Variants in KCNQ5 observed in about 807,000 individuals in gnomAD.
The protein encoded by KCNQ5 is potassium voltage-gated channel subfamily Q member 5.
A neutral mutation model predicts 98.2 loss-of-function variants in KCNQ5; 30 were observed. That is an observed-to-expected ratio of 0.31 (90% CI 0.23 to 0.41). KCNQ5 has a LOEUF of 0.41. Among genes scored for constraint, KCNQ5 ranks in the 10% least tolerant of loss-of-function variants. The pLI is 1.00. For missense variants in KCNQ5, 835 were observed against 1,182.5 expected (o/e 0.71, Z 4.31); for synonymous variants, 458 against 449.4 (o/e 1.02, Z -0.24).
intron 3 of KCNQ5, among the ~76,000 whole-genome samples, chr6:73,053,509 G>A (rs866363332): frequency 2.0e-4 from 30 of 151,724 alleles, no homozygotes; most frequent in African/African-American, 7.0e-4. Context: ...ACAATCCTTA[G>A]CAAATAAAAA....
In KCNQ5 at chr6:72,650,301, A is replaced by G. The variant is rs535154302; in HGVS notation, c.398+27714A>G. ...ACATGCATTTTGAAGTAACCAATATAAATAGGTACATTCTGGTTATATCAC... is the reference window on the plus strand; with the variant it reads ...ACATGCATTTTGAAGTAACCAATATGAATAGGTACATTCTGGTTATATCAC... On this transcript the variant is annotated intron_variant, in intron 1 of 13. Transcript: ENST00000370398. Among the ~76,000 whole-genome samples the G allele has an allele frequency of 2.6e-5, 4 of 152,278 alleles. No homozygotes were observed. In the East Asian group the frequency reaches 7.7e-4, roughly 29 times the overall value.
chr6:73,055,360 C>A, intron 3 of KCNQ5: 1 of 1,455,962 alleles, frequency 6.9e-7, no homozygotes, highest in Non-Finnish European at 9.6e-7. Context: ...ATGAGCAGCA[C>A]TATGGGGCTC....
chr6:72,744,076 G>T (rs1771257000), intron 1 of KCNQ5, among the ~76,000 whole-genome samples: 2 of 151,576 alleles, frequency 1.3e-5, no homozygotes, highest in Non-Finnish European at 1.5e-5. Context: ...GGTAAATCAT[G>T]CACTGGCACT....
rs143100695 is a variant in KCNQ5 at position 72,778,787 on chromosome 6, C to T, written c.398+156200C>T. On this transcript the variant is annotated intron_variant, in intron 1 of 13. Transcript: ENST00000370398. ...AAAAAAATTTTAAAAAAATCAACAG[C>T]ACAGTCAGAAATGTATCAGAGAAAC... Among the ~76,000 whole-genome samples, 418 of 152,212 alleles carry T rather than the reference C, an allele frequency of 2.7e-3. 19 individuals carry two copies. In the East Asian group the frequency reaches 0.074, roughly 27 times the overall value.
chr6:72,868,970 T>C (rs1040299275), intron 1 of KCNQ5, among the ~76,000 whole-genome samples: 2 of 152,134 alleles, frequency 1.3e-5, no homozygotes, highest in African/African-American at 2.4e-5. Context: ...AAGATAACTA[T>C]TATAAAAGAG....
chr6:72,785,059 C>T (rs1266337648), intron 1 of KCNQ5, among the ~76,000 whole-genome samples: 1 of 152,224 alleles, frequency 6.6e-6, no homozygotes, highest in Non-Finnish European at 1.5e-5. Flanking sequence ...GTAACACCAA[C>T]CAAAAGCGAT....
chr6:72,774,262 A>C (rs1452111918), intron 1 of KCNQ5, among the ~76,000 whole-genome samples: 1 of 152,132 alleles, frequency 6.6e-6, no homozygotes, highest in Non-Finnish European at 1.5e-5. Flanking sequence ...ACTCTCTTCC[A>C]TGGTAGCACA....
chr6:72,814,880 G>C (rs1775424131), intron 1 of KCNQ5, among the ~76,000 whole-genome samples: 1 of 152,208 alleles, frequency 6.6e-6, no homozygotes, highest in African/African-American at 2.4e-5. Flanking sequence ...CAATTTGTCA[G>C]AAGATAATGC....
intron 5 of KCNQ5, among the ~76,000 whole-genome samples, chr6:73,083,697 G>A (rs1773869590): frequency 6.6e-6 from 1 of 152,132 alleles, no homozygotes. Context: ...AAGCAACCAA[G>A]TAGCCATCAT....
chr6:73,090,955 A>C (rs1402024591), intron 5 of KCNQ5, among the ~76,000 whole-genome samples: 1 of 152,236 alleles, frequency 6.6e-6, no homozygotes, highest in Admixed American at 6.5e-5. Flanking sequence ...CATTTGACCC[A>C]GCAATCCCAT....
chr6:72,881,570 C>T (rs1459850032), intron 1 of KCNQ5, among the ~76,000 whole-genome samples: 1 of 152,138 alleles, frequency 6.6e-6, no homozygotes, highest in Non-Finnish European at 1.5e-5. Context: ...TGTACTAAAG[C>T]AGATGAATGA....
intron 1 of KCNQ5, among the ~76,000 whole-genome samples, chr6:72,941,241 G>A (rs1029085132): frequency 6.6e-6 from 1 of 151,798 alleles, no homozygotes; most frequent in Admixed American, 6.6e-5. Flanking sequence ...GCATAGGATG[G>A]GTGTTGCCTA....
chr6:72,721,365 A>C (rs1344779834), intron 1 of KCNQ5, among the ~76,000 whole-genome samples: 1 of 152,212 alleles, frequency 6.6e-6, no homozygotes. Flanking sequence ...CTTACAAACA[A>C]ACTAGTGTGT....
At chr6:73,182,284 T>C (rs1582499930) in intron 11 of KCNQ5, among the ~76,000 whole-genome samples, 1 of 152,230 alleles carries the variant, frequency 6.6e-6, no homozygotes, top group East Asian at 1.9e-4. Flanking sequence ...AGTGGCTGAC[T>C]TGAGTAGTTT....
intron 1 of KCNQ5, among the ~76,000 whole-genome samples, chr6:72,912,605 G>A (rs966292305): frequency 3.3e-5 from 5 of 152,106 alleles, no homozygotes; most frequent in Non-Finnish European, 7.4e-5. Flanking sequence ...TTCTGAATCT[G>A]GCATTCTCCT....
At position 72,687,879 on chromosome 6, in the gene KCNQ5, C is replaced by T. The variant is rs189718177; in HGVS notation, c.398+65292C>T. On this transcript the variant is annotated intron_variant, in intron 1 of 13. Transcript: ENST00000370398. Reference sequence around the variant, plus strand: ...ACATGGAGTGAGTCTCTCTCTGTCGCCCAGGCTGGAGTGCAGTGGCGTGAT... The same window carrying T: ...ACATGGAGTGAGTCTCTCTCTGTCGTCCAGGCTGGAGTGCAGTGGCGTGAT... Among the ~76,000 whole-genome samples the T allele has an allele frequency of 1.8e-3, 264 of 149,376 alleles. 1 individual carries two copies. Among genetic ancestry groups the T allele is most frequent in the Non-Finnish European group, 3.2e-3 (215 of 67,446 alleles).
At chr6:72,877,442 AT>A (rs999827430) in intron 1 of KCNQ5, among the ~76,000 whole-genome samples, 16 of 151,348 alleles carry the variant, frequency 1.1e-4, no homozygotes, top group Admixed American at 7.2e-4. Flanking sequence ...TATGTACCAC[AT>A]TTTTTTTTAT....
Position 73,194,828 on chromosome 6 carries a change from C to T in KCNQ5, c.2213C>T (p.Thr738Met), listed in dbSNP as rs373955161. The T allele has an allele frequency of 4.3e-5, 70 of 1,614,024 alleles. No homozygotes were observed. The highest frequency in any genetic ancestry group is 1.5e-4 in the African/African-American group (11 of 74,916). ...ATNTIANQIN[T>M]APKPAAPTTL... ...AACACCATTGCAAACCAAATAAATA[C>T]GGCACCCAAGCCAGCAGCCCCAACA... The change falls in exon 14 of 14, where the codon ACG becomes ATG. Residue 738 changes from threonine (T) to methionine (M), a missense_variant. Thr to Met is a moderately conservative substitution (Grantham distance 81). This residue lies in a region of KCNQ5 where 416 missense variants were observed against 446.9 expected (regional missense o/e 0.93). Transcript: ENST00000370398.
chr6:72,741,246 G>A (rs1310838646), intron 1 of KCNQ5, among the ~76,000 whole-genome samples: 2 of 152,208 alleles, frequency 1.3e-5, no homozygotes, highest in East Asian at 1.9e-4. Context: ...GTGTCAAAGT[G>A]TCACATCAGT....
Sources: gnomAD v4.1 joint callset for allele counts (sites outside exome capture counted in the v4.1 genomes callset) on GRCh38, gnomAD v4.1.1 for gene constraint, gnomAD v4.1.1 regional missense constraint, MANE v1.5 for transcripts, NCBI Gene and HGNC (gene_info 2026-07-23, HGNC 2026-07-21) for gene names.